The following SPTLC3 variants were observed in gnomAD, a reference collection of about 807,000 sequenced individuals.
SPTLC3 encodes the protein serine palmitoyltransferase 3.
A neutral mutation model predicts 59.3 loss-of-function variants in SPTLC3; 36 were observed. The observed-to-expected ratio is 0.61, with a 90% CI of 0.47 to 0.80. The LOEUF (loss-of-function observed/expected upper bound fraction) is 0.80, where lower values mean the gene tolerates loss of function less well. Ranked by LOEUF, SPTLC3 falls within the 30% of genes least tolerant of loss-of-function variation. SPTLC3 has a pLI of 0.00. For synonymous variants in SPTLC3, 257 were observed against 240.8 expected, an observed-to-expected ratio of 1.07 and a Z score of -0.62; for missense variants, 625 against 685.1, an observed-to-expected ratio of 0.91 and a Z score of 0.98.
In SPTLC3 at chr20:13,151,682, G is replaced by A. The variant is rs147309463; in HGVS notation, c.1280-2321G>A. On this transcript the variant is annotated intron_variant, in intron 9 of 11. Coordinates refer to ENST00000399002, the MANE Select transcript of SPTLC3 (RefSeq NM_018327.4). ...TTAACACAATTAAGGTGTCACAGAA[G>A]TGAAGTTCATTTAGGCCTGATGAGC... Among the ~76,000 whole-genome samples, 4 of 152,358 alleles carry A rather than the reference G, an allele frequency of 2.6e-5. No homozygotes were observed. In the East Asian group the frequency reaches 5.8e-4, roughly 22 times the overall value.
rs111362919 is a variant in SPTLC3 at position 13,048,919 on chromosome 20, C to T, written c.118-26C>T. The T allele has an allele frequency of 4.5e-5, 68 of 1,526,540 alleles. No homozygotes were observed. In the African/African-American group the frequency reaches 6.1e-4, roughly 14 times the overall value. 94.6% of individuals were successfully genotyped at this position (1,526,540 alleles called of 1,614,324 possible). On this transcript the variant is annotated intron_variant, in intron 1 of 11. Transcript: ENST00000399002. ...TATATCTGTAACAGGAGAATGCTAACCTTGGATTTTCTTTTGTGTTTTCAG... is the reference window on the plus strand; with the variant it reads ...TATATCTGTAACAGGAGAATGCTAATCTTGGATTTTCTTTTGTGTTTTCAG...
chr20:13,083,999 C>A (rs139419923), intron 4 of SPTLC3, among the ~76,000 whole-genome samples: 150 of 152,268 alleles, frequency 9.9e-4, no homozygotes, highest in Middle Eastern at 3.4e-3. Context: ...TGCAACGGTC[C>A]CCAGGCAGCT....
intron 1 of SPTLC3, among the ~76,000 whole-genome samples, chr20:13,028,476 C>T (rs569577750): frequency 6.6e-6 from 1 of 152,064 alleles, no homozygotes; most frequent in African/African-American, 2.4e-5. Flanking sequence ...CATAAATTCA[C>T]CCTAAAAGAT....
intron 9 of SPTLC3, among the ~76,000 whole-genome samples, chr20:13,135,807 A>G (rs762656494): frequency 6.6e-6 from 1 of 152,242 alleles, no homozygotes; most frequent in African/African-American, 2.4e-5. Context: ...TGGCTATAAG[A>G]AAAATCATAA....
intron 9 of SPTLC3, among the ~76,000 whole-genome samples, chr20:13,133,382 C>T (rs1403114432): frequency 6.6e-6 from 1 of 152,188 alleles, no homozygotes; most frequent in Non-Finnish European, 1.5e-5. Context: ...TGTAGTCACT[C>T]TTTCCCTCCC....
intron 9 of SPTLC3, among the ~76,000 whole-genome samples, chr20:13,145,627 G>GA (rs914262959): frequency 6.0e-5 from 9 of 150,000 alleles, no homozygotes; most frequent in East Asian, 1.9e-4. Context: ...TACAAAACTA[G>GA]AAAAAAAAAG....
chr20:13,088,784 A>ATTTTTTTTTTTTTTTT (rs375680092), intron 4 of SPTLC3, among the ~76,000 whole-genome samples: 4 of 111,860 alleles, frequency 3.6e-5, no homozygotes, highest in Admixed American at 1.1e-4. Context: ...GCACCCGGCT[A>ATTTTTTTTTTTTTTTT]TTTTTTTTTT....
At chr20:13,144,399 A>G (rs958785955) in intron 9 of SPTLC3, among the ~76,000 whole-genome samples, 5 of 152,242 alleles carry the variant, frequency 3.3e-5, no homozygotes, top group African/African-American at 9.6e-5. Context: ...TCATCCTCCC[A>G]GAAGTCCTGA....
chr20:13,157,417 A>G (rs895640113), intron 10 of SPTLC3, among the ~76,000 whole-genome samples: 9 of 152,126 alleles, frequency 5.9e-5, no homozygotes, highest in Admixed American at 2.0e-4. Flanking sequence ...AGCCTGGGCA[A>G]CAAGAGTGAA....
intron 4 of SPTLC3, among the ~76,000 whole-genome samples, chr20:13,077,157 G>A (rs529285400): frequency 2.0e-5 from 3 of 151,914 alleles, no homozygotes; most frequent in Admixed American, 1.3e-4. Context: ...AGACAATAAG[G>A]TGTCTCCCAC....
At chr20:13,113,557 T>C (rs1306028499) in intron 7 of SPTLC3, among the ~76,000 whole-genome samples, 1 of 152,174 alleles carries the variant, frequency 6.6e-6, no homozygotes, top group African/African-American at 2.4e-5. Flanking sequence ...AATGTCACCA[T>C]TCATAGGTAT....
At chr20:13,102,315 T>C (rs148120125) in intron 6 of SPTLC3, among the ~76,000 whole-genome samples, 5 of 152,284 alleles carry the variant, frequency 3.3e-5, no homozygotes, top group African/African-American at 1.2e-4. Context: ...TTCATTGTAA[T>C]GAGCCATTTA....
chr20:13,054,632 G>C (rs1294094073), intron 2 of SPTLC3, among the ~76,000 whole-genome samples: 1 of 152,190 alleles, frequency 6.6e-6, no homozygotes, highest in Non-Finnish European at 1.5e-5. Context: ...GTAGCAGAAG[G>C]TGGTGTCATT....
chr20:13,136,619 A>T (rs1050918903), intron 9 of SPTLC3, among the ~76,000 whole-genome samples: 1 of 94,248 alleles, frequency 1.1e-5, no homozygotes, highest in South Asian at 6.6e-4. Context: ...ATATATATAT[A>T]ATATACATAT....
chr20:13,153,264 G>A (rs80226389), intron 9 of SPTLC3, among the ~76,000 whole-genome samples: 2,797 of 152,200 alleles, frequency 0.018, 54 homozygotes, highest in South Asian at 0.03. Flanking sequence ...TCTCACATGC[G>A]TGAACTCTGC....
chr20:13,167,436 C>T lies in SPTLC3; in HGVS notation c.*2569C>T, dbSNP rs1304245887. On this transcript the variant is annotated 3_prime_UTR_variant, in exon 12 of 12. Transcript: ENST00000399002. ...TCTATAATGTTATGCGCACTCAGCCCTTCTGTTCACATTTACACACATGCA... is the reference window on the plus strand; with the variant it reads ...TCTATAATGTTATGCGCACTCAGCCTTTCTGTTCACATTTACACACATGCA... 6.6e-6 allele frequency: 1 copy of T among 152,164 alleles called. No individual in the cohort carries two copies. The highest frequency in any genetic ancestry group is 1.5e-5 in the Non-Finnish European group (1 of 68,032). 9.4% of individuals were successfully genotyped at this position (152,164 alleles called of 1,614,324 possible).
chr20:13,094,586 G>A (rs774511458), intron 6 of SPTLC3, among the ~76,000 whole-genome samples: 1 of 152,184 alleles, frequency 6.6e-6, no homozygotes, highest in Non-Finnish European at 1.5e-5. Context: ...ACGGAGAACT[G>A]AGGAAGAATT....
chr20:13,165,080 C>G lies in SPTLC3; in HGVS notation c.*213C>G. On this transcript the variant is annotated 3_prime_UTR_variant, in exon 12 of 12. Transcript: ENST00000399002. ...ATTCCAGATTTAAGTCTCTCTTCTT[C>G]CAAGTATTCTACTAGAAATACACAC... 1 of 503,112 alleles carries G rather than the reference C, an allele frequency of 2.0e-6. No homozygotes were observed. The highest frequency in any genetic ancestry group is 3.5e-6 in the Non-Finnish European group (1 of 283,996). 31.2% of individuals were successfully genotyped at this position (503,112 alleles called of 1,614,324 possible). A position where few individuals can be genotyped will look rare whatever the true frequency, so the allele number is the denominator to read the frequency against.
In SPTLC3 at chr20:13,074,403, T is replaced by C. The variant is rs1358928182; in HGVS notation, c.513T>C (p.Leu171=). The C allele has an allele frequency of 1.2e-6, 2 of 1,614,118 alleles. No individual in the cohort carries two copies. The highest frequency in any genetic ancestry group is 1.3e-5 in the African/African-American group (1 of 75,040). The change falls in exon 4 of 12, where the codon CTT becomes CTC. Residue 171 remains leucine (L), a synonymous_variant. Transcript: ENST00000399002. ...DVINMGSYNF[L]GLAAKYDESM... is the part of the protein sequence containing the mutation. ...TCAACATGGGCTCCTATAACTTCCT[T>C]GGTCTTGCAGCCAAGTATGATGAGT... is the stretch of plus-strand genomic sequence containing the variant.
Sources: gnomAD v4.1 joint callset for allele counts (sites outside exome capture counted in the v4.1 genomes callset) on GRCh38, gnomAD v4.1.1 for gene constraint, MANE v1.5 for transcripts, NCBI Gene and HGNC (gene_info 2026-07-23, HGNC 2026-07-21) for gene names.